XPR1: variants seen among roughly 807,000 people sequenced by gnomAD.
XPR1 encodes solute carrier family 53 member 1.
XPR1 carries 28 observed loss-of-function variants against 87.5 expected under a neutral mutation model. The observed-to-expected ratio is 0.32, with a 90% CI of 0.24 to 0.44. The LOEUF (loss-of-function observed/expected upper bound fraction) is 0.44, where lower values mean the gene tolerates loss of function less well. Among genes scored for constraint, XPR1 ranks in the 20% least tolerant of loss-of-function variants. The pLI is 1.00. For synonymous variants in XPR1, 300 were observed against 306.1 expected (o/e 0.98, Z 0.21); for missense variants, 559 against 862.3 (o/e 0.65, Z 4.41).
At chr1:180,776,920 G>A (rs891295627) in intron 2 of XPR1, among the ~76,000 whole-genome samples, 2 of 152,056 alleles carry the variant, frequency 1.3e-5, no homozygotes, top group African/African-American at 4.8e-5. Context: ...AACCTCACCT[G>A]ATAAAACCTT....
At chr1:180,865,715 A>G (rs1652367467) in intron 12 of XPR1, among the ~76,000 whole-genome samples, 1 of 152,222 alleles carries the variant, frequency 6.6e-6, no homozygotes, top group Non-Finnish European at 1.5e-5. Flanking sequence ...GTATCTTTAT[A>G]TAAATGTTGA....
At chr1:180,690,738 A>G (rs1480813327) in intron 2 of XPR1, among the ~76,000 whole-genome samples, 1 of 150,828 alleles carries the variant, frequency 6.6e-6, no homozygotes, top group Non-Finnish European at 1.5e-5. Context: ...GTCTCTTGTG[A>G]CTAGTGATTA....
At chr1:180,669,247 A>G (rs1025841603) in intron 1 of XPR1, among the ~76,000 whole-genome samples, 1 of 152,094 alleles carries the variant, frequency 6.6e-6, no homozygotes, top group Non-Finnish European at 1.5e-5. Flanking sequence ...TTTATCTATT[A>G]TTGGTCGAGA....
intron 1 of XPR1, among the ~76,000 whole-genome samples, chr1:180,646,673 G>T (rs1655130653): frequency 6.6e-6 from 1 of 152,050 alleles, no homozygotes; most frequent in African/African-American, 2.4e-5. Context: ...GAAGCTCTCT[G>T]CTCACATTTG....
intron 2 of XPR1, among the ~76,000 whole-genome samples, chr1:180,786,043 C>G (rs142415433): frequency 6.4e-4 from 97 of 151,812 alleles, no homozygotes; most frequent in African/African-American, 2.1e-3. Flanking sequence ...CAGCTATAGC[C>G]CTTATTGTAC....
chr1:180,668,123 C>CT (rs758456790), intron 1 of XPR1, among the ~76,000 whole-genome samples: 5,261 of 94,628 alleles, frequency 0.056, 585 homozygotes, highest in African/African-American at 0.18. Flanking sequence ...TTCCCTCTAT[C>CT]TTTTTTTTTT....
At chr1:180,682,607 T>A (rs1399107988) in intron 2 of XPR1, among the ~76,000 whole-genome samples, 196 bp downstream of exon 2, 2 of 152,114 alleles carry the variant, frequency 1.3e-5, no homozygotes, top group Non-Finnish European at 2.9e-5. Context: ...CTTTACCCTA[T>A]GACGGATCTT....
intron 2 of XPR1, among the ~76,000 whole-genome samples, chr1:180,716,231 G>C (rs1035581923): frequency 3.9e-5 from 6 of 152,046 alleles, no homozygotes; most frequent in African/African-American, 7.2e-5. Context: ...AGTGATACAA[G>C]TGGGTGCCAC....
At chr1:180,726,976 G>T (rs961487817) in intron 2 of XPR1, among the ~76,000 whole-genome samples, 2 of 151,430 alleles carry the variant, frequency 1.3e-5, no homozygotes, top group Non-Finnish European at 2.9e-5. Context: ...CTGGGTTCAC[G>T]CCGTTCTCCT....
At chr1:180,716,946 G>A (rs1300768101) in intron 2 of XPR1, among the ~76,000 whole-genome samples, 1 of 152,174 alleles carries the variant, frequency 6.6e-6, no homozygotes, top group Admixed American at 6.5e-5. Context: ...TCTTCTAGAA[G>A]CTCATATTGA....
intron 1 of XPR1, among the ~76,000 whole-genome samples, 186 bp from the exon 2 acceptor site, chr1:180,682,174 A>G (rs555318107): frequency 6.6e-6 from 1 of 152,284 alleles, no homozygotes; most frequent in African/African-American, 2.4e-5. Flanking sequence ...TAAAAATTGG[A>G]CAATACTGGA....
intron 3 of XPR1, among the ~76,000 whole-genome samples, chr1:180,796,024 G>A (rs760472389): frequency 2.6e-5 from 4 of 152,106 alleles, no homozygotes; most frequent in Non-Finnish European, 5.9e-5. Flanking sequence ...GACTAGGCTG[G>A]TCTTAAACCT....
chr1:180,765,164 T>G (rs1362759863), intron 2 of XPR1, among the ~76,000 whole-genome samples: 1 of 152,202 alleles, frequency 6.6e-6, no homozygotes, highest in Non-Finnish European at 1.5e-5. Context: ...GCAACAGTGC[T>G]ATGGATGAGG....
At chr1:180,725,606 T>C (rs138721874) in intron 2 of XPR1, among the ~76,000 whole-genome samples, 5 of 152,352 alleles carry the variant, frequency 3.3e-5, no homozygotes, top group African/African-American at 1.2e-4. Context: ...TGCATTCTCT[T>C]GCAAAAGACT....
At chr1:180,820,131 T>A (rs1650573411) in intron 7 of XPR1, among the ~76,000 whole-genome samples, 1 of 152,196 alleles carries the variant, frequency 6.6e-6, no homozygotes, top group African/African-American at 2.4e-5. Flanking sequence ...CTGTTTTTTT[T>A]AATTGAGGTG....
intron 1 of XPR1, among the ~76,000 whole-genome samples, chr1:180,644,642 G>A (rs1045413897): frequency 6.6e-6 from 1 of 151,994 alleles, no homozygotes; most frequent in Non-Finnish European, 1.5e-5. Flanking sequence ...TGTTGAGATA[G>A]TATGTATGTA....
rs146624407 is a variant in XPR1, at chr1:180,633,075, G to A, written c.69+805G>A. ...TAGCTGGGGAGAAAATTAGTATATT[G>A]TAAACAATATACCTTACCTGTGTAT... On this transcript the variant is annotated intron_variant, in intron 1 of 14. Coordinates refer to ENST00000367590, the MANE Select transcript of XPR1 (RefSeq NM_004736.4). 5.5e-3 allele frequency among the ~76,000 whole-genome samples: 838 copies of A among 152,168 alleles called. 11 individuals are homozygous for A. The highest frequency in any genetic ancestry group is 0.019 in the African/African-American group (768 of 41,498).
At chr1:180,799,614 A>G (rs1161130896) in intron 3 of XPR1, among the ~76,000 whole-genome samples, 1 of 152,126 alleles carries the variant, frequency 6.6e-6, no homozygotes, top group Non-Finnish European at 1.5e-5. Context: ...ATGGGTGGAG[A>G]AGGTACATCC....
chr1:180,763,856 T>G (rs1648149872), intron 2 of XPR1, among the ~76,000 whole-genome samples: 1 of 152,194 alleles, frequency 6.6e-6, no homozygotes, highest in Non-Finnish European at 1.5e-5. Flanking sequence ...CCTCAGTTGC[T>G]TCCAATATTT....
Sources: allele counts gnomAD v4.1 joint callset (sites outside exome capture counted in the v4.1 genomes callset), GRCh38; gene constraint gnomAD v4.1.1; transcripts MANE v1.5; gene names NCBI Gene and HGNC (gene_info 2026-07-23, HGNC 2026-07-21).